The following TMEM170A variants were observed in gnomAD, a reference collection of about 807,000 sequenced individuals.
The protein encoded by TMEM170A is transmembrane protein 170.
Under a neutral mutation model 12.8 loss-of-function variants are expected in TMEM170A, and 18 were observed. The observed-to-expected ratio is 1.41, with a 90% CI of 0.97 to 2.09. The LOEUF is 2.09. Ranked by LOEUF, TMEM170A falls within the 30% of genes most tolerant of loss-of-function variation. The pLI, the probability that TMEM170A is intolerant of heterozygous loss-of-function variation, is 0.00. For missense variants in TMEM170A, 220 were observed against 179.9 expected, an observed-to-expected ratio of 1.22 and a Z score of -1.28; for synonymous variants, 107 against 76.2, an observed-to-expected ratio of 1.40 and a Z score of -2.11.
chr16:75,460,305 AC>A (rs1440545488), intron 1 of TMEM170A, among the ~76,000 whole-genome samples: 2 of 152,028 alleles, frequency 1.3e-5, no homozygotes, highest in Non-Finnish European at 2.9e-5. Flanking sequence ...TATACTAAAA[AC>A]CACTGGATTG....
At chr16:75,455,598 T>C (rs2079778319) in intron 1 of TMEM170A, among the ~76,000 whole-genome samples, 1 of 151,600 alleles carries the variant, frequency 6.6e-6, no homozygotes, top group African/African-American at 2.4e-5. Context: ...AAGCCAGGAG[T>C]TGAAGACCAG....
chr16:75,461,687 A>C (rs1274975651), intron 1 of TMEM170A, among the ~76,000 whole-genome samples: 1 of 152,192 alleles, frequency 6.6e-6, no homozygotes, highest in African/African-American at 2.4e-5. Flanking sequence ...GTTTACTACC[A>C]AATTCTGATC....
At position 75,447,509 on chromosome 16, in the gene TMEM170A, G is replaced by A; in HGVS notation, c.*49C>T. On this transcript the variant is annotated 3_prime_UTR_variant, in exon 3 of 3. Coordinates refer to ENST00000561878, the MANE Select transcript of TMEM170A (RefSeq NM_145254.3). The stretch of plus-strand genomic sequence containing the variant: ...ACTACACTCCATAATGTATTCTTTT[G>A]GAGGATTCCATAAAGTTTAAGTTCA... 1 of 1,567,542 alleles carries A rather than the reference G, an allele frequency of 6.4e-7. No homozygotes were observed. The highest frequency in any genetic ancestry group is 1.2e-5 in the South Asian group (1 of 84,674).
intron 1 of TMEM170A, among the ~76,000 whole-genome samples, chr16:75,462,199 T>A (rs1422442856): frequency 6.6e-6 from 1 of 152,218 alleles, no homozygotes. Context: ...GTATTATCAA[T>A]GAAGATACAA....
intron 2 of TMEM170A, among the ~76,000 whole-genome samples, chr16:75,448,553 A>G (rs914437447): frequency 1.3e-5 from 2 of 152,178 alleles, no homozygotes; most frequent in Non-Finnish European, 2.9e-5. Context: ...ATCTGAGCTC[A>G]GGAGTTTGAG....
rs760169462 is a variant in TMEM170A, at chr16:75,451,832, C to CCA, written c.139_140dup (p.Trp47CysfsTer39). ...CCAGTGCCCACAGGAATACACCATACCACATCTCTATGAGGGAAGACAAAG... is the reference window on the plus strand; with the variant it reads ...CCAGTGCCCACAGGAATACACCATACCACACATCTCTATGAGGGAAGACAAAG... On this transcript the variant is annotated frameshift_variant, in exon 2 of 3. Coordinates refer to ENST00000561878, the MANE Select transcript of TMEM170A (RefSeq NM_145254.3). LOFTEE classifies it high-confidence loss of function. The CCA allele has an allele frequency of 3.1e-5, 50 of 1,611,182 alleles. No individual in the cohort carries two copies. The South Asian group carries it at 3.7e-4, about 12-fold the overall frequency.
chr16:75,463,809 C>T (rs1311324717), intron 1 of TMEM170A, among the ~76,000 whole-genome samples: 2 of 152,256 alleles, frequency 1.3e-5, no homozygotes, highest in Admixed American at 1.3e-4. Context: ...ACCCTCCTAG[C>T]AGGCCCAGCT....
chr16:75,459,720 G>A (rs970757998), intron 1 of TMEM170A, among the ~76,000 whole-genome samples: 3 of 152,006 alleles, frequency 2.0e-5, no homozygotes, highest in South Asian at 2.1e-4. Flanking sequence ...AGCCGGGTTT[G>A]GTGGTGTCTG....
At chr16:75,462,306 G>C (rs1328476234) in intron 1 of TMEM170A, among the ~76,000 whole-genome samples, 1 of 152,206 alleles carries the variant, frequency 6.6e-6, no homozygotes, top group South Asian at 2.1e-4. Context: ...TGCAACCTCT[G>C]CCTCCTGGGT....
At chr16:75,463,744 C>A (rs2079946550) in intron 1 of TMEM170A, among the ~76,000 whole-genome samples, 1 of 152,240 alleles carries the variant, frequency 6.6e-6, no homozygotes, top group Non-Finnish European at 1.5e-5. Flanking sequence ...GTCCTCTCTC[C>A]TCCCTCCAGC....
chr16:75,451,671 G>T lies in TMEM170A; in HGVS notation c.302C>A (p.Thr101Lys). ...IVGPITAGILTSAAIAGVYRA... is the reference protein window; with the variant it reads ...IVGPITAGILKSAAIAGVYRA... The stretch of plus-strand genomic sequence containing the variant: ...TGGTATTTTAATGTCTAACATACTT[G>T]TCAAGATTCCAGCAGTAATTGGTCC... The change falls in exon 2 of 3, where the codon ACA (threonine) becomes AAA (lysine). Residue 101 changes from threonine to lysine, a missense_variant and splice_region_variant. Transcript: ENST00000561878. The T allele has an allele frequency of 6.2e-7, 1 of 1,614,162 alleles. No individual in the cohort carries two copies. Among genetic ancestry groups the T allele is most frequent in the South Asian group, 1.1e-5 (1 of 91,090 alleles).
intron 1 of TMEM170A, among the ~76,000 whole-genome samples, chr16:75,456,024 T>C (rs2079787853): frequency 6.6e-6 from 1 of 152,150 alleles, no homozygotes; most frequent in Non-Finnish European, 1.5e-5. Context: ...TATGAAGGTA[T>C]TTTTATTCCC....
chr16:75,444,095 A>G lies in TMEM170A; in HGVS notation c.*3463T>C, dbSNP rs2079543985. The G allele has an allele frequency of 6.6e-6, 1 of 151,612 alleles. No individual in the cohort carries two copies. Among genetic ancestry groups the G allele is most frequent in the Admixed American group, 6.6e-5 (1 of 15,206 alleles). The allele number at this position is 151,612 out of a possible 1,614,324, so 9.4% of individuals were successfully genotyped here. A position where few individuals can be genotyped will look rare whatever the true frequency, so the allele number is the denominator to read the frequency against. ...AGAGCAAGACTCCATTTCAAAAAAA[A>G]AAGAAAAAAAAATCAAGAAATCAGC... On this transcript the variant is annotated 3_prime_UTR_variant, in exon 3 of 3. Coordinates refer to ENST00000561878, the MANE Select transcript of TMEM170A (RefSeq NM_145254.3).
intron 1 of TMEM170A, among the ~76,000 whole-genome samples, chr16:75,463,946 A>C (rs1328372433): frequency 6.6e-6 from 1 of 152,186 alleles, no homozygotes. Flanking sequence ...CGGGTCTCGG[A>C]GGGGGAGGAT....
At chr16:75,454,568 G>A (rs1352674229) in intron 1 of TMEM170A, among the ~76,000 whole-genome samples, 10 of 152,154 alleles carry the variant, frequency 6.6e-5, no homozygotes, top group Admixed American at 6.6e-4. Flanking sequence ...CCAGGAGGCA[G>A]AGGTTGCAGT....
chr16:75,447,710 T>G (rs1159949743), intron 2 of TMEM170A, 22 bp from the exon 3 acceptor site: 2 of 1,553,402 alleles, frequency 1.3e-6, no homozygotes, highest in South Asian at 2.4e-5. Flanking sequence ...TGCAAGAATG[T>G]TAAACAAAAA....
intron 2 of TMEM170A, among the ~76,000 whole-genome samples, chr16:75,449,914 G>A (rs142624656): frequency 0.015 from 2,314 of 152,264 alleles, 18 homozygotes; most frequent in Non-Finnish European, 0.024. Flanking sequence ...CAAGAGAGCA[G>A]CAAATGGAAA....
At chr16:75,459,489 G>A (rs2079862298) in intron 1 of TMEM170A, among the ~76,000 whole-genome samples, 1 of 152,172 alleles carries the variant, frequency 6.6e-6, no homozygotes. Flanking sequence ...GTGAACAACT[G>A]GGTCAACACA....
intron 2 of TMEM170A, among the ~76,000 whole-genome samples, chr16:75,451,285 C>A (rs1166192097): frequency 6.6e-6 from 1 of 151,952 alleles, no homozygotes; most frequent in African/African-American, 2.4e-5. Flanking sequence ...CACAGTGGCT[C>A]ACGCCTGTAA....
Sources: gnomAD v4.1 joint callset for allele counts (sites outside exome capture counted in the v4.1 genomes callset) on GRCh38, gnomAD v4.1.1 for gene constraint, MANE v1.5 for transcripts, NCBI Gene and HGNC (gene_info 2026-07-23, HGNC 2026-07-21) for gene names.